Variants in PTPN20 observed in about 807,000 individuals in gnomAD.
PTPN20 encodes the protein protein tyrosine phosphatase non-receptor type 20, also known as tyrosine-protein phosphatase non-receptor type 20.
PTPN20 carries 9 observed loss-of-function variants against 35.0 expected under a neutral mutation model. The observed-to-expected ratio is 0.26, with a 90% CI of 0.15 to 0.45. The LOEUF is 0.45. Among genes scored for constraint, PTPN20 ranks in the 20% least tolerant of loss-of-function variants. The pLI is 1.00. For missense variants in PTPN20, 111 were observed against 312.5 expected (o/e 0.36, Z 4.86); for synonymous variants, 32 against 100.2 (o/e 0.32, Z 4.06).
chr10:46,951,202 T>A (rs2046531985), intron 5 of PTPN20, among the ~76,000 whole-genome samples: 1 of 152,066 alleles, frequency 6.6e-6, no homozygotes, highest in Non-Finnish European at 1.5e-5. Flanking sequence ...CCCATGTTGG[T>A]CAGGCTGGTC....
rs2138419927 is a variant in PTPN20, at chr10:47,002,210, T to A, written c.*1469T>A. ...CATTTTGATAATTGGCCTTTAATAT[T>A]TGTATCTCTAATTTTATTTTCTCTC... On this transcript the variant is annotated 3_prime_UTR_variant, in exon 11 of 11. Transcript: ENST00000374339. The A allele has an allele frequency of 6.6e-6, 1 of 152,556 alleles. No individual in the cohort carries two copies. Among genetic ancestry groups the A allele is most frequent in the Admixed American group, 6.5e-5 (1 of 15,272 alleles). The allele number at this position is 152,556 out of a possible 1,614,324, so 9.5% of individuals were successfully genotyped here. A position where few individuals can be genotyped will look rare whatever the true frequency, so the allele number is the denominator to read the frequency against.
At chr10:46,994,159 A>C (rs368119532) in intron 9 of PTPN20, among the ~76,000 whole-genome samples, 3 of 151,792 alleles carry the variant, frequency 2.0e-5, no homozygotes, top group East Asian at 3.9e-4. Context: ...TTCTGTTGAG[A>C]GTCAATTGTC....
chr10:46,935,116 CT>C (rs1211607303), intron 2 of PTPN20, among the ~76,000 whole-genome samples: 2 of 151,474 alleles, frequency 1.3e-5, no homozygotes, highest in African/African-American at 4.9e-5. Context: ...GCTACCCAAA[CT>C]TTTTTGTAGA....
At chr10:46,975,727 T>G (rs1175565970) in intron 7 of PTPN20, among the ~76,000 whole-genome samples, 1 of 152,180 alleles carries the variant, frequency 6.6e-6, no homozygotes, top group African/African-American at 2.4e-5. Context: ...AGTGGCATAG[T>G]CTCAGCTCAC....
chr10:46,931,883 A>G (rs1555119362), intron 1 of PTPN20, among the ~76,000 whole-genome samples: 1 of 146,958 alleles, frequency 6.8e-6, no homozygotes, highest in Admixed American at 6.6e-5. Flanking sequence ...GGCAAGAATT[A>G]GAAAAGAAAA....
chr10:46,940,544 T>C (rs2043133704), intron 2 of PTPN20, 79 bp from the exon 3 acceptor site: 1 of 1,457,120 alleles, frequency 6.9e-7, no homozygotes, highest in East Asian at 2.3e-5. Flanking sequence ...ATGTAGCTTG[T>C]TTTTTCTCAT....
chr10:46,938,242 C>T (rs2133774222), intron 2 of PTPN20, among the ~76,000 whole-genome samples: 1 of 138,960 alleles, frequency 7.2e-6, no homozygotes, highest in Non-Finnish European at 1.5e-5. Context: ...AGCCACCACA[C>T]CCGGCCTTGA....
intron 5 of PTPN20, among the ~76,000 whole-genome samples, chr10:46,963,705 A>G (rs1308849942): frequency 1.3e-4 from 12 of 95,816 alleles, no homozygotes; most frequent in Non-Finnish European, 2.3e-4. Context: ...GGATCTTACT[A>G]TGGAATGATC....
At chr10:46,920,872 A>G (rs1406493885) in intron 1 of PTPN20, 1 of 131,428 alleles carries the variant, frequency 7.6e-6, no homozygotes, top group Non-Finnish European at 1.6e-5. Flanking sequence ...ATATCCTGCA[A>G]TGCCCCGCCC....
chr10:46,963,643 A>G (rs1468007420), intron 5 of PTPN20, among the ~76,000 whole-genome samples: 1 of 95,262 alleles, frequency 1.0e-5, no homozygotes, highest in Non-Finnish European at 1.9e-5. Context: ...AGACCAGCCT[A>G]TTTCTATGGT....
intron 9 of PTPN20, 52 bp from the exon 10 acceptor site, chr10:46,999,860 T>G: frequency 6.2e-7 from 1 of 1,600,840 alleles, no homozygotes; most frequent in Admixed American, 1.7e-5. Context: ...ATCTGTGAAT[T>G]TGTGTTTTTC....
intron 1 of PTPN20, among the ~76,000 whole-genome samples, chr10:46,925,522 C>CTTT (rs1271555570): frequency 3.7e-5 from 5 of 134,056 alleles, no homozygotes; most frequent in African/African-American, 1.4e-4. Flanking sequence ...GCTGCTTCCT[C>CTTT]TTTTTTTTTT....
intron 7 of PTPN20, among the ~76,000 whole-genome samples, chr10:46,976,605 C>T (rs2053686938): frequency 1.5e-5 from 2 of 133,272 alleles, no homozygotes; most frequent in African/African-American, 5.5e-5. Context: ...AAATCTTTAA[C>T]TATTTTCCTG....
intron 6 of PTPN20, among the ~76,000 whole-genome samples, chr10:46,966,174 C>T (rs1488088092): frequency 4.6e-5 from 7 of 151,412 alleles, no homozygotes; most frequent in African/African-American, 1.7e-4. Flanking sequence ...CCACCTTGGC[C>T]TCCCAAAGTG....
At chr10:46,932,109 C>T (rs184543817) in intron 1 of PTPN20, among the ~76,000 whole-genome samples, 1 of 147,276 alleles carries the variant, frequency 6.8e-6, no homozygotes, top group African/African-American at 2.7e-5. Context: ...TAAAGAGATA[C>T]GTCATTGGAG....
At chr10:46,912,310 TA>T (rs2032290567) in intron 1 of PTPN20, among the ~76,000 whole-genome samples, 1 of 31,342 alleles carries the variant, frequency 3.2e-5, no homozygotes, top group Admixed American at 3.4e-4. Context: ...AGTCACCTGG[TA>T]GTTTTTTTTA....
At chr10:46,992,858 A>G (rs1402450330) in intron 9 of PTPN20, among the ~76,000 whole-genome samples, 1 of 152,164 alleles carries the variant, frequency 6.6e-6, no homozygotes, top group Non-Finnish European at 1.5e-5. Context: ...GTGTTCTTTT[A>G]TCTTGTTGAA....
At chr10:46,936,195 A>G (rs2041594782) in intron 2 of PTPN20, among the ~76,000 whole-genome samples, 1 of 151,910 alleles carries the variant, frequency 6.6e-6, no homozygotes, top group Admixed American at 6.6e-5. Context: ...TAAGTTCTGG[A>G]TATTAGACCA....
At chr10:46,988,796 A>G (rs1589894726) in intron 9 of PTPN20, among the ~76,000 whole-genome samples, 2 of 149,822 alleles carry the variant, frequency 1.3e-5, no homozygotes, top group South Asian at 4.2e-4. Flanking sequence ...AGTGTTTTAT[A>G]GTTTTCCTCA....
Sources: gnomAD v4.1 joint callset for allele counts (sites outside exome capture counted in the v4.1 genomes callset) on GRCh38, gnomAD v4.1.1 for gene constraint, MANE v1.5 for transcripts, NCBI Gene and HGNC (gene_info 2026-07-23, HGNC 2026-07-21) for gene names.